Variants in USP26 observed in about 807,000 individuals in gnomAD.
USP26 encodes the protein ubiquitin specific peptidase 26, also known as ubiquitin carboxyl-terminal hydrolase 26.
For synonymous variants in USP26, 236 were observed against 240.6 expected, an observed-to-expected ratio of 0.98 and a Z score of 0.18; for missense variants, 649 against 642.3, an observed-to-expected ratio of 1.01 and a Z score of -0.11.
chrX:133,077,850 G>A (rs1466552038), intron 5 of USP26, among the ~76,000 whole-genome samples: 1 of 111,814 alleles, frequency 8.9e-6, no homozygotes, highest in African/African-American at 3.2e-5. Context: ...GAGAGGCCAA[G>A]GCGGGCAGAT....
chrX:133,053,093 A>G (rs2067464755), intron 5 of USP26, among the ~76,000 whole-genome samples: 1 of 112,354 alleles, frequency 8.9e-6, no homozygotes, highest in Non-Finnish European at 1.9e-5. Context: ...ACCTTCAATC[A>G]AAAGTGACCC....
intron 5 of USP26, among the ~76,000 whole-genome samples, chrX:133,056,005 C>T (rs1422299058): frequency 1.8e-5 from 2 of 111,589 alleles, no homozygotes; most frequent in African/African-American, 6.5e-5. Flanking sequence ...AGAGGTAATG[C>T]CCTTTTGGGT....
At chrX:133,030,538 C>A (rs2067372521) in intron 5 of USP26, among the ~76,000 whole-genome samples, 1 of 111,582 alleles carries the variant, frequency 9.0e-6, no homozygotes, top group Non-Finnish European at 1.9e-5. Flanking sequence ...ATTCACTGTA[C>A]CTAAATGATT....
chrX:133,083,889 T>G (rs933687379), intron 4 of USP26, 118 bp from the exon 5 acceptor site: 1 of 111,972 alleles, frequency 8.9e-6, no homozygotes, highest in African/African-American at 3.3e-5. Flanking sequence ...ATGCTTCCAG[T>G]TCCCATCTTT....
chrX:133,086,633 C>T (rs1011295189), intron 4 of USP26, among the ~76,000 whole-genome samples: 2 of 110,240 alleles, frequency 1.8e-5, no homozygotes, highest in Admixed American at 9.7e-5. Flanking sequence ...ATAATAAGGC[C>T]GGACGCAGTG....
Position 133,025,358 on chromosome X carries a change from C to A in USP26, c.*121G>T. 9.1e-7 allele frequency: 1 copy of A among 1,100,327 alleles called. No individual in the cohort carries two copies. The highest frequency in any genetic ancestry group is 1.2e-6 in the Non-Finnish European group (1 of 820,737). The allele number at this position is 1,100,327 out of a possible 1,213,427, so 90.7% of individuals were successfully genotyped here. ...TCCCCATTAAGTGTTTCTGTTTGAC[C>A]TTTGGTCCTAGACTAATTGCATTTT... On this transcript the variant is annotated 3_prime_UTR_variant, in exon 6 of 6. Coordinates refer to ENST00000511190, the MANE Select transcript of USP26 (RefSeq NM_031907.3).
At chrX:133,074,045 C>A in intron 5 of USP26, among the ~76,000 whole-genome samples, 1 of 111,878 alleles carries the variant, frequency 8.9e-6, no homozygotes, top group Non-Finnish European at 1.9e-5. Context: ...GGAAGGTGCA[C>A]AGTGGAATGG....
chrX:133,076,213 A>C (rs2067547865), intron 5 of USP26, among the ~76,000 whole-genome samples: 1 of 111,636 alleles, frequency 9.0e-6, no homozygotes, highest in African/African-American at 3.3e-5. Context: ...TCTAGATGCT[A>C]TGGAGCTTTA....
At chrX:133,030,378 A>G (rs911837933) in intron 5 of USP26, among the ~76,000 whole-genome samples, 3 of 111,869 alleles carry the variant, frequency 2.7e-5, no homozygotes, top group African/African-American at 9.7e-5. Context: ...TCCATTATTA[A>G]TTTACTAATT....
At chrX:133,045,655 C>T (rs12010775) in intron 5 of USP26, among the ~76,000 whole-genome samples, 2,594 of 111,035 alleles carry the variant, frequency 0.023, 44 homozygotes, top group African/African-American at 0.069. Context: ...TAACACTCAC[C>T]GTGAAGGTCT....
chrX:133,069,261 G>T (rs1237597830), intron 5 of USP26, among the ~76,000 whole-genome samples: 1 of 112,056 alleles, frequency 8.9e-6, no homozygotes. Flanking sequence ...AGGAGAAGGT[G>T]CATTTTCATG....
rs775758159 is a variant in USP26, at chrX:133,025,974, T to G, written c.2247A>C (p.Glu749Asp). 5.0e-6 allele frequency: 6 copies of G among 1,211,454 alleles called. No individual in the cohort carries two copies. The highest frequency in any genetic ancestry group is 2.2e-6 in the Non-Finnish European group (2 of 895,365). Reference protein sequence around the residue: ...TQQCDGMRICEQAPQQALPQS... With the variant: ...TQQCDGMRICDQAPQQALPQS... Reference sequence around the variant, plus strand: ...GAGGCAGTGCCTGCTGAGGGGCTTGTTCACAGATTCTCATACCGTCACACT... The same window carrying G: ...GAGGCAGTGCCTGCTGAGGGGCTTGGTCACAGATTCTCATACCGTCACACT... Residue 749 changes from glutamate (E) to aspartate (D), a missense_variant, in exon 6 of 6, where the codon GAA (glutamate) becomes GAC (aspartate). Physicochemically the swap from Glu to Asp is conservative, Grantham distance 45 (BLOSUM62 2). Transcript: ENST00000511190.
chrX:133,027,133 T>C lies in USP26; in HGVS notation c.1088A>G (p.Asn363Ser). ...NIEIKEMLLL[N>S]LKKAISAAAE... is the part of the protein sequence containing the mutation. The stretch of plus-strand genomic sequence containing the variant: ...AGCTGCTGAAATGGCCTTTTTAAGA[T>C]TCAAGAGTAACATCTCCTTGATTTC... Residue 363 changes from asparagine (N) to serine (S), a missense_variant, in exon 6 of 6, where the codon AAT becomes AGT. Coordinates refer to ENST00000511190, the MANE Select transcript of USP26 (RefSeq NM_031907.3). The C allele has an allele frequency of 8.3e-7, 1 of 1,210,932 alleles. No homozygotes were observed.
rs780508124 is a variant in USP26 at position 133,026,236 on chromosome X, T to C, written c.1985A>G (p.Glu662Gly). ...EPLAHLMTYLEDTSLCQFHKA... is the reference protein window; with the variant it reads ...EPLAHLMTYLGDTSLCQFHKA... The stretch of plus-strand genomic sequence containing the variant: ...GTGGAACTGACAAAGTGAGGTATCT[T>C]CCAGATACGTCATTAAGTGAGCTAA... The change falls in exon 6 of 6, where the codon GAA (glutamate) becomes GGA (glycine). Residue 662 changes from glutamate (E) to glycine (G), a missense_variant. By Grantham distance (98) the Glu-to-Gly change is moderately conservative. Coordinates refer to ENST00000511190, the MANE Select transcript of USP26 (RefSeq NM_031907.3). 1 of 1,206,381 alleles carries C rather than the reference T, an allele frequency of 8.3e-7. No homozygotes were observed. Among genetic ancestry groups the C allele is most frequent in the Non-Finnish European group, 1.1e-6 (1 of 893,994 alleles).
chrX:133,087,020 C>A (rs1190519625), intron 4 of USP26, among the ~76,000 whole-genome samples: 1 of 110,037 alleles, frequency 9.1e-6, no homozygotes, highest in Non-Finnish European at 1.9e-5. Context: ...ATTATTGTAT[C>A]TTGTTTTTGT....
At chrX:133,051,644 A>G (rs1439103663) in intron 5 of USP26, among the ~76,000 whole-genome samples, 3 of 112,210 alleles carry the variant, frequency 2.7e-5, no homozygotes, top group African/African-American at 9.7e-5. Context: ...TCACAAGAGC[A>G]TTGATCCTTA....
chrX:133,064,424 A>T (rs1234422603), intron 5 of USP26, among the ~76,000 whole-genome samples: 1 of 112,028 alleles, frequency 8.9e-6, no homozygotes, highest in East Asian at 2.8e-4. Context: ...AACAGAATAT[A>T]CATTCTTCTC....
intron 5 of USP26, among the ~76,000 whole-genome samples, chrX:133,053,389 T>C (rs1236352619): frequency 1.8e-5 from 2 of 109,666 alleles, no homozygotes; most frequent in African/African-American, 6.7e-5. Flanking sequence ...AATACAAAAA[T>C]TATCCAGGCA....
chrX:133,053,830 G>A (rs952540125), intron 5 of USP26, among the ~76,000 whole-genome samples: 2 of 111,662 alleles, frequency 1.8e-5, no homozygotes, highest in Non-Finnish European at 3.8e-5. Flanking sequence ...GTAAATTCAG[G>A]TCAGAGAGGT....
Sources: gnomAD v4.1 joint callset for allele counts (sites outside exome capture counted in the v4.1 genomes callset) on GRCh38, gnomAD v4.1.1 for gene constraint, MANE v1.5 for transcripts, NCBI Gene and HGNC (gene_info 2026-07-23, HGNC 2026-07-21) for gene names.